IMMP2L: variants seen among roughly 807,000 people sequenced by gnomAD.
The protein encoded by IMMP2L is mitochondrial inner membrane protease subunit 2.
Under a neutral mutation model 19.3 loss-of-function variants are expected in IMMP2L, and 18 were observed. The observed-to-expected ratio is 0.93, with a 90% CI of 0.64 to 1.38. The LOEUF is 1.38. IMMP2L is among the 40% of genes most tolerant of loss of function. IMMP2L has a pLI of 0.00. For missense variants in IMMP2L, 233 were observed against 218.2 expected, an observed-to-expected ratio of 1.07 and a Z score of -0.43; for synonymous variants, 76 against 73.0, an observed-to-expected ratio of 1.04 and a Z score of -0.21.
At chr7:110,884,004 T>C (rs1001733945) in intron 5 of IMMP2L, among the ~76,000 whole-genome samples, 1 of 152,000 alleles carries the variant, frequency 6.6e-6, no homozygotes, top group Non-Finnish European at 1.5e-5. Flanking sequence ...TTATAATAAA[T>C]GAAAGAATTG....
At chr7:110,678,343 G>A (rs1792471653) in intron 5 of IMMP2L, among the ~76,000 whole-genome samples, 1 of 152,086 alleles carries the variant, frequency 6.6e-6, no homozygotes, top group Non-Finnish European at 1.5e-5. Context: ...GTTTAAATAT[G>A]CTGTTTATAG....
chr7:111,378,920 G>A (rs76908510), intron 3 of IMMP2L, among the ~76,000 whole-genome samples: 3 of 151,786 alleles, frequency 2.0e-5, no homozygotes, highest in Admixed American at 2.0e-4. Context: ...TAGTTATTCT[G>A]CATGAGAAAC....
chr7:110,825,499 G>A (rs1420379843), intron 5 of IMMP2L, among the ~76,000 whole-genome samples: 5 of 152,036 alleles, frequency 3.3e-5, no homozygotes, highest in Middle Eastern at 3.2e-3. Context: ...ATATAGATCA[G>A]TGGAATAGAA....
At chr7:110,929,549 T>A (rs1279575875) in intron 4 of IMMP2L, among the ~76,000 whole-genome samples, 3 of 152,196 alleles carry the variant, frequency 2.0e-5, no homozygotes, top group African/African-American at 7.2e-5. Context: ...TCAGGCTGTT[T>A]CTATACAAGT....
chr7:111,376,659 A>G (rs140940087), intron 3 of IMMP2L, among the ~76,000 whole-genome samples: 134 of 152,258 alleles, frequency 8.8e-4, no homozygotes, highest in African/African-American at 3.1e-3. Flanking sequence ...ATGTTCATCA[A>G]CTGATGACTG....
intron 3 of IMMP2L, among the ~76,000 whole-genome samples, chr7:111,420,252 A>G (rs912035297): frequency 4.6e-5 from 7 of 151,528 alleles, no homozygotes; most frequent in African/African-American, 1.7e-4. Context: ...AATAAAATGG[A>G]GAAAAGAAAT....
chr7:111,468,236 T>C (rs1840869986), intron 3 of IMMP2L, among the ~76,000 whole-genome samples: 1 of 152,156 alleles, frequency 6.6e-6, no homozygotes, highest in African/African-American at 2.4e-5. Context: ...AGAAAGCATA[T>C]GTGTAAATAA....
chr7:110,882,479 C>G (rs1809787607), intron 5 of IMMP2L, among the ~76,000 whole-genome samples: 1 of 152,026 alleles, frequency 6.6e-6, no homozygotes, highest in African/African-American at 2.4e-5. Flanking sequence ...CTCCCAGGTT[C>G]AAGTGATTCT....
intron 1 of IMMP2L, among the ~76,000 whole-genome samples, chr7:111,539,705 TAAAAGAAA>T (rs1468095052): frequency 1.3e-5 from 2 of 150,490 alleles, no homozygotes; most frequent in East Asian, 3.9e-4. Flanking sequence ...AAAATAAGAA[TAAAAGAAA>T]AAAAGAAAAA....
At chr7:111,379,591 G>T (rs1236979597) in intron 3 of IMMP2L, among the ~76,000 whole-genome samples, 1 of 151,592 alleles carries the variant, frequency 6.6e-6, no homozygotes, top group Admixed American at 6.6e-5. Context: ...AAGGAACCAG[G>T]CTGAAAGTCA....
chr7:110,836,105 G>A (rs888074888), intron 5 of IMMP2L, among the ~76,000 whole-genome samples: 1 of 152,088 alleles, frequency 6.6e-6, no homozygotes, highest in Non-Finnish European at 1.5e-5. Flanking sequence ...GAGGGGAGCT[G>A]AGTTCTTTGT....
intron 4 of IMMP2L, among the ~76,000 whole-genome samples, chr7:110,921,571 C>A (rs550840357): frequency 6.6e-6 from 1 of 152,264 alleles, no homozygotes; most frequent in African/African-American, 2.4e-5. Context: ...CTGTAAAGTG[C>A]ACATAAGAAT....
At position 110,803,727 on chromosome 7, in the gene IMMP2L, A is replaced by G. The variant is rs1243628711; in HGVS notation, c.408+82866T>C. Among the ~76,000 whole-genome samples, 2 of 152,026 alleles carry G rather than the reference A, an allele frequency of 1.3e-5. No individual in the cohort carries two copies. The highest frequency in any genetic ancestry group is 3.9e-4 in the East Asian group (2 of 5,136). ...ATGGGCTGACAGGCTATCCCCTGGG[A>G]GCACTCCCAGCAATTGGGAGAAGTC... On this transcript the variant is annotated intron_variant, in intron 5 of 5. Coordinates refer to ENST00000405709, the MANE Select transcript of IMMP2L (RefSeq NM_032549.4). The surrounding 1 kb of genome is among the most constrained non-coding windows in gnomAD (Gnocchi z 4.2).
At chr7:110,786,041 T>C (rs1800053234) in intron 5 of IMMP2L, among the ~76,000 whole-genome samples, 1 of 151,880 alleles carries the variant, frequency 6.6e-6, no homozygotes, top group Non-Finnish European at 1.5e-5. Context: ...ATGAAAACGA[T>C]GAATTCAGAA....
rs556468567 is a variant in IMMP2L at position 110,665,656 on chromosome 7, A to AT, written c.409-1936dup. Among the ~76,000 whole-genome samples the AT allele has an allele frequency of 7.3e-4, 111 of 152,008 alleles. No homozygotes were observed. The Middle Eastern group carries it at 0.017, about 23-fold the overall frequency. ...AATGTCATATATCTGGAATTGCTTG[A>AT]TTTTTTTTCCCTCATGACTAGAGTC... On this transcript the variant is annotated intron_variant, in intron 5 of 5. Coordinates refer to ENST00000405709, the MANE Select transcript of IMMP2L (RefSeq NM_032549.4).
At chr7:110,890,889 C>T (rs933918864) in intron 4 of IMMP2L, among the ~76,000 whole-genome samples, 3 of 151,976 alleles carry the variant, frequency 2.0e-5, no homozygotes, top group Non-Finnish European at 2.9e-5. Context: ...TGAGTGTCAT[C>T]GGGTGAATAC....
At chr7:110,786,021 C>G (rs985420240) in intron 5 of IMMP2L, among the ~76,000 whole-genome samples, 1 of 151,730 alleles carries the variant, frequency 6.6e-6, no homozygotes, top group East Asian at 1.9e-4. Context: ...TACTGTAAGT[C>G]CTTTTATAAA....
chr7:111,444,398 G>T (rs911566550), intron 3 of IMMP2L, among the ~76,000 whole-genome samples: 3 of 151,950 alleles, frequency 2.0e-5, no homozygotes, highest in Non-Finnish European at 4.4e-5. Flanking sequence ...TTACAAGCTT[G>T]GACAAGTTTC....
At chr7:110,903,181 A>T (rs1812075974) in intron 4 of IMMP2L, among the ~76,000 whole-genome samples, 1 of 152,150 alleles carries the variant, frequency 6.6e-6, no homozygotes, top group Admixed American at 6.5e-5. Context: ...GCTAACACTG[A>T]TTACGGGGCA....
Sources: gnomAD v4.1 joint callset for allele counts (sites outside exome capture counted in the v4.1 genomes callset) on GRCh38, gnomAD v4.1.1 for gene constraint, Gnocchi (gnomAD v3.1) non-coding constraint, MANE v1.5 for transcripts, NCBI Gene and HGNC (gene_info 2026-07-23, HGNC 2026-07-21) for gene names.